Variants in QTMAN observed in about 807,000 individuals in gnomAD.
The protein encoded by QTMAN is tRNA-queuosine alpha-mannosyltransferase.
chr2:143,951,170 C>G, the QTMAN span, among the ~76,000 whole-genome samples: 2 of 151,350 alleles, frequency 1.3e-5, no homozygotes, highest in South Asian at 4.1e-4. Context: ...TATAAAACTG[C>G]TAGATGTAAA....
At chr2:144,329,223 C>CA in the QTMAN span, among the ~76,000 whole-genome samples, 2 of 151,264 alleles carry the variant, frequency 1.3e-5, no homozygotes, top group African/African-American at 4.9e-5. Flanking sequence ...GCCCGGGTGA[C>CA]AGAGTGTGAC....
the QTMAN span, among the ~76,000 whole-genome samples, chr2:144,045,943 A>G: frequency 6.6e-6 from 1 of 152,218 alleles, no homozygotes; most frequent in African/African-American, 2.4e-5. Context: ...TACAATATAT[A>G]GTTGCTGTTG....
chr2:144,041,640 T>C, the QTMAN span, among the ~76,000 whole-genome samples: 1 of 152,214 alleles, frequency 6.6e-6, no homozygotes, highest in Non-Finnish European at 1.5e-5. Context: ...GACGCACTGA[T>C]AAAATGTGTC....
At chr2:144,228,723 C>T in the QTMAN span, among the ~76,000 whole-genome samples, 1 of 152,170 alleles carries the variant, frequency 6.6e-6, no homozygotes, top group African/African-American at 2.4e-5. Flanking sequence ...CTTTGGGAGG[C>T]TGAGGCAGGC....
At chr2:144,135,303 T>C in the QTMAN span, among the ~76,000 whole-genome samples, 1 of 152,126 alleles carries the variant, frequency 6.6e-6, no homozygotes, top group South Asian at 2.1e-4. Context: ...ATCCTTAACA[T>C]CTAATGTGAT....
At chr2:143,964,744 T>C in the QTMAN span, among the ~76,000 whole-genome samples, 1 of 152,118 alleles carries the variant, frequency 6.6e-6, no homozygotes, top group Admixed American at 6.5e-5. Context: ...GTAATAACCA[T>C]TGTCATACCA....
chr2:144,247,021 A>AT, the QTMAN span, among the ~76,000 whole-genome samples: 2 of 152,218 alleles, frequency 1.3e-5, no homozygotes, highest in Admixed American at 1.3e-4. Context: ...GAATAAAGAT[A>AT]TTTTTTCTGT....
chr2:144,055,790 T>A, the QTMAN span, among the ~76,000 whole-genome samples: 5 of 152,146 alleles, frequency 3.3e-5, no homozygotes, highest in Admixed American at 2.0e-4. Flanking sequence ...TCCCTCTAGA[T>A]CCTGGGGCAG....
the QTMAN span, among the ~76,000 whole-genome samples, chr2:144,220,157 G>A: frequency 6.6e-6 from 1 of 152,170 alleles, no homozygotes; most frequent in African/African-American, 2.4e-5. Context: ...GGGACTAATA[G>A]ATGTGGTAAT....
At chr2:144,332,951 G>A in the QTMAN span, among the ~76,000 whole-genome samples, 1 of 152,108 alleles carries the variant, frequency 6.6e-6, no homozygotes, top group Non-Finnish European at 1.5e-5. Flanking sequence ...TTTCCAGCCG[G>A]CCCGTTGCAT....
the QTMAN span, among the ~76,000 whole-genome samples, chr2:144,250,693 G>C: frequency 1.4e-5 from 2 of 144,510 alleles, no homozygotes; most frequent in African/African-American, 5.2e-5. Flanking sequence ...TCCACACTAT[G>C]CTTACTACAC....
At chr2:143,983,468 GTTTTTTTTTT>G in the QTMAN span, among the ~76,000 whole-genome samples, 2 of 116,002 alleles carry the variant, frequency 1.7e-5, no homozygotes, top group African/African-American at 6.7e-5. Context: ...CATTTTTGAG[GTTTTTTTTTT>G]TTTTTTTTTT....
chr2:144,041,077 T>C, the QTMAN span, among the ~76,000 whole-genome samples: 1 of 152,212 alleles, frequency 6.6e-6, no homozygotes, highest in Non-Finnish European at 1.5e-5. Context: ...ATTTACTATG[T>C]CAGATTGCAT....
the QTMAN span, among the ~76,000 whole-genome samples, chr2:144,328,422 T>C: frequency 6.6e-6 from 1 of 152,240 alleles, no homozygotes; most frequent in Non-Finnish European, 1.5e-5. Flanking sequence ...CACACTTAGT[T>C]AAGGTGTTTG....
chr2:144,061,718 C>T, the QTMAN span, among the ~76,000 whole-genome samples: 1 of 152,140 alleles, frequency 6.6e-6, no homozygotes, highest in Non-Finnish European at 1.5e-5. Flanking sequence ...TAAATGAGAA[C>T]AGGCATTCCT....
At chr2:143,984,647 C>T in the QTMAN span, among the ~76,000 whole-genome samples, 1 of 152,140 alleles carries the variant, frequency 6.6e-6, no homozygotes, top group South Asian at 2.1e-4. Context: ...TTTGGCTCAC[C>T]CTGCTCCCTA....
At chr2:144,207,021 AG>A in the QTMAN span, among the ~76,000 whole-genome samples, 1 of 152,208 alleles carries the variant, frequency 6.6e-6, no homozygotes, top group Non-Finnish European at 1.5e-5. Context: ...GAGATGTGAA[AG>A]CAACCATAAA....
the QTMAN span, among the ~76,000 whole-genome samples, chr2:144,091,580 G>C: frequency 6.6e-6 from 1 of 152,162 alleles, no homozygotes; most frequent in African/African-American, 2.4e-5. Flanking sequence ...TGTACTGCAG[G>C]TGGGAATGCA....
chr2:144,030,369 G>A, the QTMAN span, among the ~76,000 whole-genome samples: 1 of 152,158 alleles, frequency 6.6e-6, no homozygotes, highest in Non-Finnish European at 1.5e-5. Flanking sequence ...GAAAGGTTCA[G>A]TTCAATGTCT....
Sources: allele counts gnomAD v4.1 joint callset (sites outside exome capture counted in the v4.1 genomes callset), GRCh38; gene constraint gnomAD v4.1.1; transcripts MANE v1.5; gene names NCBI Gene and HGNC (gene_info 2026-07-23, HGNC 2026-07-21).